ZNF600: variants seen among roughly 807,000 people sequenced by gnomAD.
ZNF600 encodes the protein zinc finger protein 600.
ZNF600 carries 4 observed loss-of-function variants against 7.3 expected under a neutral mutation model. The ratio of observed to expected loss-of-function variants is 0.55; its 90% CI spans 0.27 to 1.25. ZNF600 has a LOEUF of 1.25. Ranked by LOEUF, ZNF600 falls within the 50% of genes most tolerant of loss-of-function variation. ZNF600 has a pLI of 0.12. For synonymous variants in ZNF600, 290 were observed against 308.9 expected, an observed-to-expected ratio of 0.94 and a Z score of 0.64; for missense variants, 911 against 922.1, an observed-to-expected ratio of 0.99 and a Z score of 0.16.
chr19:52,829,183 TTTTTATTTTATTTTATTTTA>T, the ZNF600 span, among the ~76,000 whole-genome samples: 8 of 91,730 alleles, frequency 8.7e-5, no homozygotes, highest in Non-Finnish European at 1.9e-4. Context: ...TTTTTTTCTT[TTTTTATTTTATTTTATTTTA>T]TTTTATTTTA....
At chr19:52,772,283 G>A (rs1205407034) in intron 3 of ZNF600, among the ~76,000 whole-genome samples, 1 of 151,994 alleles carries the variant, frequency 6.6e-6, no homozygotes, top group Non-Finnish European at 1.5e-5. Context: ...ACTCCAGCCT[G>A]GGCAAGAAGA....
the ZNF600 span, among the ~76,000 whole-genome samples, chr19:52,827,577 AT>A: frequency 0.013 from 1,810 of 142,854 alleles, 17 homozygotes; most frequent in African/African-American, 0.03. Flanking sequence ...TAGAAGAAGG[AT>A]TTTTTTTTTT....
At chr19:52,794,335 C>G in the ZNF600 span, among the ~76,000 whole-genome samples, 1 of 152,178 alleles carries the variant, frequency 6.6e-6, no homozygotes, top group Non-Finnish European at 1.5e-5. Flanking sequence ...GGAAAAGCCA[C>G]ACACTTATTT....
chr19:52,810,579 C>T, the ZNF600 span: 5 of 1,589,346 alleles, frequency 3.1e-6, no homozygotes, highest in Non-Finnish European at 4.3e-6. Flanking sequence ...CTTCCACGAG[C>T]CCGCTACCGC....
intron 1 of ZNF600, among the ~76,000 whole-genome samples, chr19:52,785,399 G>A (rs553350162): frequency 1.3e-5 from 2 of 151,956 alleles, no homozygotes; most frequent in East Asian, 1.9e-4. Context: ...ACAGGCATGT[G>A]CAACCGCTCC....
chr19:52,774,753 C>T (rs1291448846), intron 2 of ZNF600, 52 bp from the exon 5 acceptor site: 1 of 985,196 alleles, frequency 1.0e-6, no homozygotes, highest in African/African-American at 1.7e-5. Context: ...TGAGTTATCA[C>T]CTTCATGGGA....
rs563923936 is a variant in ZNF600, at chr19:52,777,334, A to G, written c.63+1492T>C. Among the ~76,000 whole-genome samples, 8 of 152,232 alleles carry G rather than the reference A, an allele frequency of 5.3e-5. No homozygotes were observed. In the East Asian group the frequency reaches 7.8e-4, roughly 15 times the overall value. On this transcript the variant is annotated intron_variant, in intron 2 of 3. Transcript: ENST00000648973. ...CAGAGGGGCAGGGAGCTGAGATCCC[A>G]CCACTGCAATCCAACCTGGGCAACG...
chr19:52,813,957 G>C, the ZNF600 span, among the ~76,000 whole-genome samples: 1 of 146,344 alleles, frequency 6.8e-6, no homozygotes, highest in Non-Finnish European at 1.5e-5. Flanking sequence ...TCATTTCCAG[G>C]GGTGGGAATT....
At chr19:52,767,920 C>T in intron 3 of ZNF600, 148 bp from the exon 6 acceptor site, 2 of 1,212,892 alleles carry the variant, frequency 1.6e-6, no homozygotes, top group South Asian at 4.0e-5. Context: ...GAGTAAGATT[C>T]TTTAATAAAC....
At chr19:52,808,698 C>T in the ZNF600 span, among the ~76,000 whole-genome samples, 1 of 151,660 alleles carries the variant, frequency 6.6e-6, no homozygotes, top group Non-Finnish European at 1.5e-5. Flanking sequence ...CCTGCGGTCC[C>T]AGCTACTTGG....
At chr19:52,822,239 T>C in the ZNF600 span, among the ~76,000 whole-genome samples, 1 of 151,900 alleles carries the variant, frequency 6.6e-6, no homozygotes, top group African/African-American at 2.4e-5. Context: ...GCCCGGTTAA[T>C]TTTTGTATTT....
intron 2 of ZNF600, among the ~76,000 whole-genome samples, chr19:52,778,397 T>C (rs965430748): frequency 5.9e-5 from 9 of 152,146 alleles, no homozygotes; most frequent in African/African-American, 2.2e-4. Flanking sequence ...CCAAATCAGA[T>C]ACAAAATACC....
At chr19:52,771,384 G>T in intron 3 of ZNF600, among the ~76,000 whole-genome samples, 1 of 149,902 alleles carries the variant, frequency 6.7e-6, no homozygotes, top group African/African-American at 2.5e-5. Context: ...CACCCAGGCT[G>T]GAGTGCAGTG....
chr19:52,813,937 T>G, the ZNF600 span, among the ~76,000 whole-genome samples: 19 of 146,908 alleles, frequency 1.3e-4, no homozygotes, highest in Admixed American at 4.1e-4. Flanking sequence ...CTCTGTTTAT[T>G]TTTTTAAGCT....
chr19:52,799,448 T>A, the ZNF600 span: 2 of 799,384 alleles, frequency 2.5e-6, no homozygotes, highest in Non-Finnish European at 4.1e-6. Flanking sequence ...AAAGTTTCTC[T>A]GCAGTATGAA....
the ZNF600 span, among the ~76,000 whole-genome samples, chr19:52,825,655 C>T: frequency 2.0e-5 from 3 of 152,020 alleles, no homozygotes; most frequent in South Asian, 2.1e-4. Context: ...GGTGAGACAC[C>T]GGTCTCACAA....
upstream of ZNF600, among the ~76,000 whole-genome samples, chr19:52,787,878 GAA>G (rs1568638511): frequency 4.8e-4 from 50 of 104,458 alleles, no homozygotes; most frequent in African/African-American, 1.8e-3. Context: ...AAAAGAAAAA[GAA>G]AAAGAAAAAG....
the ZNF600 span, chr19:52,810,804 A>C: frequency 2.7e-4 from 113 of 417,950 alleles, 4 homozygotes; most frequent in African/African-American, 2.0e-3. Context: ...GATGACCTTG[A>C]TGGAAAAAAA....
chr19:52,800,071 A>G, the ZNF600 span: 4 of 1,614,004 alleles, frequency 2.5e-6, no homozygotes, highest in African/African-American at 1.3e-5. Context: ...GCCAGGTGTG[A>G]ATCCCTCCGG....
Sources: allele counts gnomAD v4.1 joint callset (sites outside exome capture counted in the v4.1 genomes callset), GRCh38; gene constraint gnomAD v4.1.1; transcripts MANE v1.5; gene names NCBI Gene and HGNC (gene_info 2026-07-23, HGNC 2026-07-21).